Variants in GABBR1 observed in about 807,000 individuals in gnomAD.
GABBR1 encodes the protein GABA-B receptor, R1 subunit.
Under a neutral mutation model 117.7 loss-of-function variants are expected in GABBR1, and 35 were observed. The ratio of observed to expected loss-of-function variants is 0.30; its 90% CI spans 0.23 to 0.39. The LOEUF (loss-of-function observed/expected upper bound fraction) is 0.39. Ranked by LOEUF, GABBR1 falls within the 10% of genes least tolerant of loss-of-function variation. The pLI is 1.00. For synonymous variants in GABBR1, 442 were observed against 486.6 expected (o/e 0.91, Z 1.21); for missense variants, 709 against 1,241.8 (o/e 0.57, Z 6.45).
rs762076932 is a variant in GABBR1, at chr6:29,622,253, G to T, written c.964-48C>A. ...GTTGGAAAAACACGGGGTGCATGAG[G>T]GAATAAAGACCAGAGAGGTTAACTG... On this transcript the variant is annotated intron_variant, in intron 8 of 22. Transcript: ENST00000377034. The surrounding 1 kb of genome is among the most constrained non-coding windows in gnomAD (Gnocchi z 4.6). The T allele has an allele frequency of 3.9e-6, 5 of 1,269,002 alleles. No individual in the cohort carries two copies. The East Asian group carries it at 1.2e-4, about 29-fold the overall frequency. The allele number at this position is 1,269,002 out of a possible 1,614,324, so 78.6% of individuals were successfully genotyped here.
chr6:29,608,542 G>A, intron 16 of GABBR1, 59 bp downstream of exon 16: 4 of 1,554,274 alleles, frequency 2.6e-6, no homozygotes, highest in Non-Finnish European at 3.5e-6. Flanking sequence ...CATGGAAGGT[G>A]CTCCTGAGAC....
chr6:29,629,542 A>G (rs915297028), intron 4 of GABBR1, among the ~76,000 whole-genome samples: 1 of 152,066 alleles, frequency 6.6e-6, no homozygotes, highest in African/African-American at 2.4e-5. Context: ...GAGCACAGGA[A>G]GAGGGCCCTG....
At position 29,629,200 on chromosome 6, in the gene GABBR1, G is replaced by A. The variant is rs1764705479; in HGVS notation, c.476-93C>T. On this transcript the variant is annotated intron_variant, in intron 4 of 22. Transcript: ENST00000377034. ...CCAGCCCCCTCCCACACCTGTCCATGCTGAAGACCGGGGAGAGCAGAAGCC... is the reference window on the plus strand; with the variant it reads ...CCAGCCCCCTCCCACACCTGTCCATACTGAAGACCGGGGAGAGCAGAAGCC... 4.9e-6 allele frequency: 7 copies of A among 1,414,222 alleles called. No homozygotes were observed. In the East Asian group the frequency reaches 1.2e-4, roughly 23 times the overall value. The allele number at this position is 1,414,222 out of a possible 1,614,324, so 87.6% of individuals were successfully genotyped here. A position where few individuals can be genotyped will look rare whatever the true frequency, so the allele number is the denominator to read the frequency against.
chr6:29,607,291 C>A lies in GABBR1; in HGVS notation c.1993-73G>T. The A allele has an allele frequency of 8.1e-7, 1 of 1,229,208 alleles. No individual in the cohort carries two copies. Among genetic ancestry groups the A allele is most frequent in the East Asian group, 2.3e-5 (1 of 42,984 alleles). The allele number at this position is 1,229,208 out of a possible 1,614,324, so 76.1% of individuals were successfully genotyped here. On this transcript the variant is annotated intron_variant, in intron 16 of 22. Coordinates refer to ENST00000377034, the MANE Select transcript of GABBR1 (RefSeq NM_001470.4). This position sits in a 1 kb window ranked among gnomAD's most constrained non-coding sequence, Gnocchi z 5.0. ...GGGACTGCAGTAAGGATGGGCAGAA[C>A]CCTAAGGGAGAGTGGGCAGGGAGCA...
At position 29,606,995 on chromosome 6, in the gene GABBR1, G is replaced by T; in HGVS notation, c.2119C>A (p.Pro707Thr). ...CCCACTGTGGCATACAGCTTCCAGGGTTCCAGAGTCTGGATAAATATGTGG... is the reference window on the plus strand; with the variant it reads ...CCCACTGTGGCATACAGCTTCCAGGTTTCCAGAGTCTGGATAAATATGTGG... ...EKKEWRKTLE[P>T]WKLYATVGLL... Residue 707 changes from proline to threonine, a missense_variant, in exon 18 of 23, where the codon CCC becomes ACC. By Grantham distance (38) the Pro-to-Thr change is conservative (BLOSUM62 -1). Around this residue, in one of 9 missense-constraint regions of GABBR1, gnomAD observed 251 missense variants for 445.3 expected, o/e 0.56. Coordinates refer to ENST00000377034, the MANE Select transcript of GABBR1 (RefSeq NM_001470.4). The surrounding 1 kb of genome is among the most constrained non-coding windows in gnomAD (Gnocchi z 4.5). 6.2e-7 allele frequency: 1 copy of T among 1,614,050 alleles called. No individual in the cohort carries two copies. Among genetic ancestry groups the T allele is most frequent in the Non-Finnish European group, 8.5e-7 (1 of 1,179,876 alleles).
Position 29,607,368 on chromosome 6 carries a change from CG to C in GABBR1, c.1993-151del, listed in dbSNP as rs1197063564. 1 of 652,812 alleles carries C rather than the reference CG, an allele frequency of 1.5e-6. No homozygotes were observed. Among genetic ancestry groups the C allele is most frequent in the East Asian group, 2.7e-5 (1 of 37,022 alleles). The allele number at this position is 652,812 out of a possible 1,614,324, so 40.4% of individuals were successfully genotyped here. ...GGAGGATGCGAAAATGTGAGCAGGA[CG>C]GGGAGCGGCAGGAGGAGAGCAGTCT... is the stretch of plus-strand genomic sequence containing the variant. On this transcript the variant is annotated intron_variant, in intron 16 of 22. Transcript: ENST00000377034. The surrounding 1 kb of genome is among the most constrained non-coding windows in gnomAD (Gnocchi z 5.0).
At position 29,607,746 on chromosome 6, in the gene GABBR1, T is replaced by C. The variant is rs1186263326; in HGVS notation, c.1993-528A>G. ...TAGCTGATAAAATCCTATTTGTCCT[T>C]CAGTATTCAAATGCCACCTCTTCAG... On this transcript the variant is annotated intron_variant, in intron 16 of 22. Coordinates refer to ENST00000377034, the MANE Select transcript of GABBR1 (RefSeq NM_001470.4). The surrounding 1 kb of genome is among the most constrained non-coding windows in gnomAD (Gnocchi z 5.0). Among the ~76,000 whole-genome samples, 1 of 152,204 alleles carries C rather than the reference T, an allele frequency of 6.6e-6. No homozygotes were observed. Among genetic ancestry groups the C allele is most frequent in the East Asian group, 1.9e-4 (1 of 5,196 alleles).
At chr6:29,626,011 G>T (rs715044) in intron 6 of GABBR1, among the ~76,000 whole-genome samples, 8,000 of 152,214 alleles carry the variant, frequency 0.053, 274 homozygotes, top group South Asian at 0.13. Context: ...AATCCACCAA[G>T]ATAGGATGTC....
rs1762278203 is a variant in GABBR1, at chr6:29,609,241, T to C, written c.1847A>G (p.Asn616Ser). Residue 616 changes from asparagine to serine, a missense_variant, in exon 15 of 23, where the codon AAC becomes AGC. Physicochemically the swap from Asn to Ser is conservative, Grantham distance 46 (BLOSUM62 1). Around this residue, in one of 9 missense-constraint regions of GABBR1, gnomAD observed 251 missense variants for 445.3 expected, o/e 0.56. Transcript: ENST00000377034. The surrounding 1 kb of genome is among the most constrained non-coding windows in gnomAD (Gnocchi z 4.3). ...AAGAGAAACTTACCGGACATGTGAG[T>C]TGTAGATGTTAAAGGACAGACAGAC... ...AVVCLSFNIYNSHVRYIQNSQ... is the reference protein window; with the variant it reads ...AVVCLSFNIYSSHVRYIQNSQ... The C allele has an allele frequency of 6.2e-6, 10 of 1,612,512 alleles. No homozygotes were observed. Among genetic ancestry groups the C allele is most frequent in the Non-Finnish European group, 8.5e-6 (10 of 1,179,880 alleles).
intron 11 of GABBR1, among the ~76,000 whole-genome samples, chr6:29,617,927 CA>C (rs1256503534): frequency 2.6e-5 from 4 of 152,200 alleles, no homozygotes; most frequent in African/African-American, 4.8e-5. Flanking sequence ...AATCCTCAAA[CA>C]ATCCAATGAG....
In GABBR1 at chr6:29,623,983, G is replaced by C. The variant is rs777024188; in HGVS notation, c.699C>G (p.Leu233=). 14 of 1,613,020 alleles carry C rather than the reference G, an allele frequency of 8.7e-6. No individual in the cohort carries two copies. In the South Asian group the frequency reaches 1.3e-4, roughly 15 times the overall value. Reference sequence around the variant, plus strand: ...GGATGATCTTGATAGGGTCGTTGTAGAGCAGCTCATATAGGTACTTGGTGG... The same window carrying C: ...GGATGATCTTGATAGGGTCGTTGTACAGCAGCTCATATAGGTACTTGGTGG... ...GQATKYLYEL[L]YNDPIKIILM... The change falls in exon 7 of 23, where the codon CTC becomes CTG. Residue 233 remains leucine (L), a synonymous_variant. Coordinates refer to ENST00000377034, the MANE Select transcript of GABBR1 (RefSeq NM_001470.4). The surrounding 1 kb of genome is among the most constrained non-coding windows in gnomAD (Gnocchi z 6.2).
In GABBR1 at chr6:29,632,217, T is replaced by C. The variant is rs772868010; in HGVS notation, c.85+84A>G. Reference sequence around the variant, plus strand: ...GGGATGATATGTGGGACTGATGGGATAGTGATGAGGACCAGAAATGAGGAG... The same window carrying C: ...GGGATGATATGTGGGACTGATGGGACAGTGATGAGGACCAGAAATGAGGAG... On this transcript the variant is annotated intron_variant, in intron 2 of 22. Coordinates refer to ENST00000377034, the MANE Select transcript of GABBR1 (RefSeq NM_001470.4). The surrounding 1 kb of genome is among the most constrained non-coding windows in gnomAD (Gnocchi z 5.8). 8 of 819,658 alleles carry C rather than the reference T, an allele frequency of 9.8e-6. No individual in the cohort carries two copies. Among genetic ancestry groups the C allele is most frequent in the Non-Finnish European group, 1.4e-5 (8 of 557,698 alleles). The allele number at this position is 819,658 out of a possible 1,614,324, so 50.8% of individuals were successfully genotyped here. A position where few individuals can be genotyped will look rare whatever the true frequency, so the allele number is the denominator to read the frequency against.
Position 29,603,386 on chromosome 6 carries a change from C to T in GABBR1, c.*157G>A. On this transcript the variant is annotated 3_prime_UTR_variant, in exon 23 of 23. Coordinates refer to ENST00000377034, the MANE Select transcript of GABBR1 (RefSeq NM_001470.4). Reference sequence around the variant, plus strand: ...TCCCAGAGGTATGAGAGACCCAAATCAGCCCAGAACTCACAGGGGGACATG... The same window carrying T: ...TCCCAGAGGTATGAGAGACCCAAATTAGCCCAGAACTCACAGGGGGACATG... The T allele has an allele frequency of 1.4e-6, 1 of 739,852 alleles. No individual in the cohort carries two copies. The highest frequency in any genetic ancestry group is 2.4e-6 in the Non-Finnish European group (1 of 409,430). The allele number at this position is 739,852 out of a possible 1,614,324, so 45.8% of individuals were successfully genotyped here. A position where few individuals can be genotyped will look rare whatever the true frequency, so the allele number is the denominator to read the frequency against.
rs1204800695 is a variant in GABBR1 at position 29,627,592 on chromosome 6, C to T, written c.551G>A (p.Gly184Glu). 6.3e-7 allele frequency: 1 copy of T among 1,575,922 alleles called. No individual in the cohort carries two copies. Among genetic ancestry groups the T allele is most frequent in the Non-Finnish European group, 8.6e-7 (1 of 1,162,296 alleles). The stretch of plus-strand genomic sequence containing the variant: ...CACCGCGGGCTGGCAGGCCTGGCCC[C>T]CTGGCCAGCCCCCGCTCATGGGAAA... Reference protein sequence around the residue: ...ALFPMSGGWPGGQACQPAVEM... With the variant: ...ALFPMSGGWPEGQACQPAVEM... The change falls in exon 6 of 23, where the codon GGG (glycine) becomes GAG (glutamate). Residue 184 changes from glycine (G) to glutamate (E), a missense_variant. Gly to Glu is a moderately conservative substitution (Grantham distance 98, BLOSUM62 -2). Transcript: ENST00000377034. This position sits in a 1 kb window ranked among gnomAD's most constrained non-coding sequence, Gnocchi z 4.4.
chr6:29,628,845 G>A (rs1478363558), intron 5 of GABBR1, among the ~76,000 whole-genome samples: 1 of 151,930 alleles, frequency 6.6e-6, no homozygotes, highest in African/African-American at 2.4e-5. Context: ...AGTCTGGGAG[G>A]AGGTGGAGCC....
chr6:29,624,059 T>TG, intron 6 of GABBR1, 35 bp from the exon 7 acceptor site: 1 of 1,566,690 alleles, frequency 6.4e-7, no homozygotes, highest in Non-Finnish European at 8.7e-7. Flanking sequence ...CAAGCTCTCC[T>TG]GGGGCCCCTC....
Position 29,608,685 on chromosome 6 carries a change from G to A in GABBR1, c.1908C>T (p.Gly636=). The A allele has an allele frequency of 1.9e-6, 3 of 1,613,080 alleles. No individual in the cohort carries two copies. Among genetic ancestry groups the A allele is most frequent in the Non-Finnish European group, 2.5e-6 (3 of 1,179,988 alleles). The change falls in exon 16 of 23, where the codon GGC becomes GGT. Residue 636 remains glycine (G), a synonymous_variant. Coordinates refer to ENST00000377034, the MANE Select transcript of GABBR1 (RefSeq NM_001470.4). ...AGACAGCAGCTAAAGCCAGTGAGCA[G>A]CCCACAGCAGTCAGGTTGTTCAGGT... ...QPNLNNLTAV[G]CSLALAAVFP...
In GABBR1 at chr6:29,608,467, C is replaced by T. The variant is rs1582957445; in HGVS notation, c.1992+134G>A. The T allele has an allele frequency of 6.6e-6, 6 of 907,836 alleles. No homozygotes were observed. The South Asian group carries it at 6.9e-5, about 10-fold the overall frequency. 56.2% of individuals were successfully genotyped at this position (907,836 alleles called of 1,614,324 possible). Reference sequence around the variant, plus strand: ...CCAAACAGAGAACAGAGGGGTGATGCTAGAAGGAAAGAACAGGGACAAGAG... The same window carrying T: ...CCAAACAGAGAACAGAGGGGTGATGTTAGAAGGAAAGAACAGGGACAAGAG... On this transcript the variant is annotated intron_variant, in intron 16 of 22. Coordinates refer to ENST00000377034, the MANE Select transcript of GABBR1 (RefSeq NM_001470.4).
At position 29,602,571 on chromosome 6, in the gene GABBR1, G is replaced by A. The variant is rs901713546; in HGVS notation, c.*972C>T. 2.7e-5 allele frequency: 5 copies of A among 182,644 alleles called. No individual in the cohort carries two copies. The highest frequency in any genetic ancestry group is 1.2e-4 in the African/African-American group (5 of 42,134). 11.3% of individuals were successfully genotyped at this position (182,644 alleles called of 1,614,324 possible). A position where few individuals can be genotyped will look rare whatever the true frequency, so the allele number is the denominator to read the frequency against. On this transcript the variant is annotated 3_prime_UTR_variant, in exon 23 of 23. Transcript: ENST00000377034. The stretch of plus-strand genomic sequence containing the variant: ...AATGGAGATTCTGTGACAAGGAGAG[G>A]GTGTGGATGGCCCCACCAAACATGA...
Sources: gnomAD v4.1 joint callset for allele counts (sites outside exome capture counted in the v4.1 genomes callset) on GRCh38, gnomAD v4.1.1 for gene constraint, gnomAD v4.1.1 regional missense constraint, Gnocchi (gnomAD v3.1) non-coding constraint, MANE v1.5 for transcripts, NCBI Gene and HGNC (gene_info 2026-07-23, HGNC 2026-07-21) for gene names.